Variants in NRG1 observed in about 807,000 individuals in gnomAD.
NRG1 encodes pro-neuregulin-1, membrane-bound isoform.
In NRG1, 18 loss-of-function variants were observed where a neutral mutation model predicts 63.8. The ratio of observed to expected loss-of-function variants is 0.28; its 90% CI spans 0.19 to 0.42. The LOEUF is 0.42. NRG1 is among the 10% of genes least tolerant of loss of function. The pLI is 1.00. For missense variants in NRG1, 762 were observed against 814.7 expected, an observed-to-expected ratio of 0.94 and a Z score of 0.79; for synonymous variants, 302 against 301.3, an observed-to-expected ratio of 1.00 and a Z score of -0.02.
In NRG1 at chr8:31,728,191, T is replaced by C. The variant is rs138149259; in HGVS notation, c.37+88760T>C. 3.9e-3 allele frequency among the ~76,000 whole-genome samples: 587 copies of C among 152,194 alleles called. 1 individual carries two copies. The highest frequency in any genetic ancestry group is 0.019 in the South Asian group (92 of 4,824). The stretch of plus-strand genomic sequence containing the variant: ...CTATAGAAAATATTTGGGCTGGGCA[T>C]GGTGGCTCATGCCTGTAATCCCAGC... On this transcript the variant is annotated intron_variant, in intron 1 of 10. Transcript: ENST00000519301.
chr8:32,496,622 G>T (rs1827229658), intron 1 of NRG1, among the ~76,000 whole-genome samples: 1 of 151,960 alleles, frequency 6.6e-6, no homozygotes, highest in Non-Finnish European at 1.5e-5. Flanking sequence ...GAAAGGATAG[G>T]TGTGTTTGGG....
intron 1 of NRG1, among the ~76,000 whole-genome samples, chr8:32,066,990 G>T (rs970277035): frequency 6.6e-6 from 1 of 152,104 alleles, no homozygotes; most frequent in Non-Finnish European, 1.5e-5. Context: ...CTCTCTGTTT[G>T]TCTGTTATGG....
At chr8:32,042,961 AGTGTGTGTGT>A (rs111850977) in intron 1 of NRG1, among the ~76,000 whole-genome samples, 2 of 139,902 alleles carry the variant, frequency 1.4e-5, no homozygotes, top group African/African-American at 2.6e-5. Flanking sequence ...GAAAGAGTGC[AGTGTGTGTGT>A]GTGTGTGTGT....
chr8:32,695,882 T>G (rs1813177116), intron 5 of NRG1, among the ~76,000 whole-genome samples: 1 of 152,200 alleles, frequency 6.6e-6, no homozygotes, highest in South Asian at 2.1e-4. Flanking sequence ...TCAAGCCAAT[T>G]CTAAACAGTC....
chr8:31,995,585 C>T (rs1811836202), intron 1 of NRG1, among the ~76,000 whole-genome samples: 1 of 151,888 alleles, frequency 6.6e-6, no homozygotes, highest in African/African-American at 2.4e-5. Context: ...GAGACTGTCT[C>T]TGAAAGTGAG....
intron 1 of NRG1, among the ~76,000 whole-genome samples, chr8:32,348,669 G>A (rs10105462): frequency 0.52 from 78,656 of 151,940 alleles, 21,269 homozygotes; most frequent in Non-Finnish European, 0.61. Context: ...CTGTTATAAC[G>A]TAGTATAGGT....
In NRG1 at chr8:32,258,044, A is replaced by T. The variant is rs148196988; in HGVS notation, c.38-337784A>T. Among the ~76,000 whole-genome samples the T allele has an allele frequency of 2.7e-4, 41 of 152,320 alleles. No homozygotes were observed. The East Asian group carries it at 6.8e-3, about 25-fold the overall frequency. On this transcript the variant is annotated intron_variant, in intron 1 of 10. Transcript: ENST00000519301. ...CCCAGTTTATGGTTTCCAATATAGG[A>T]CACATATCAACAGAATAAGAAACTC...
At chr8:32,132,504 A>G (rs763914708) in intron 1 of NRG1, among the ~76,000 whole-genome samples, 7 of 152,100 alleles carry the variant, frequency 4.6e-5, no homozygotes, top group South Asian at 2.1e-4. Context: ...ACCCAGTGAC[A>G]GATCTACTTG....
chr8:32,429,387 T>A (rs1817843536), intron 1 of NRG1, among the ~76,000 whole-genome samples: 1 of 152,202 alleles, frequency 6.6e-6, no homozygotes, highest in South Asian at 2.1e-4. Context: ...AGTCTCCTTT[T>A]ACCACTTTGG....
chr8:32,540,607 C>T (rs900664420), intron 1 of NRG1, among the ~76,000 whole-genome samples: 1 of 152,150 alleles, frequency 6.6e-6, no homozygotes, highest in African/African-American at 2.4e-5. Context: ...TATGGGATCA[C>T]AGAGACTTCA....
At chr8:32,645,704 TC>T (rs1335738755) in intron 5 of NRG1, among the ~76,000 whole-genome samples, 1 of 152,136 alleles carries the variant, frequency 6.6e-6, no homozygotes, top group African/African-American at 2.4e-5. Flanking sequence ...TTTTACAGAC[TC>T]CTATTGACAT....
At chr8:32,184,119 G>A (rs750662517) in intron 1 of NRG1, among the ~76,000 whole-genome samples, 57 of 151,618 alleles carry the variant, frequency 3.8e-4, no homozygotes, top group Non-Finnish European at 6.2e-4. Context: ...TATAGATCAC[G>A]TAAATATATA....
intron 1 of NRG1, among the ~76,000 whole-genome samples, chr8:31,890,267 T>A (rs561457867): frequency 6.6e-5 from 10 of 152,328 alleles, no homozygotes; most frequent in Middle Eastern, 3.4e-3. Context: ...TTTCAAGATA[T>A]CTACCTTGGT....
chr8:32,723,732 A>AGG (rs1821319604), intron 5 of NRG1, among the ~76,000 whole-genome samples: 1 of 117,144 alleles, frequency 8.5e-6, no homozygotes, highest in Non-Finnish European at 1.7e-5. Flanking sequence ...TTGTGGAAGG[A>AGG]GGTGAGGAAG....
intron 5 of NRG1, among the ~76,000 whole-genome samples, chr8:32,626,718 T>C (rs914299079): frequency 6.6e-6 from 1 of 151,358 alleles, no homozygotes; most frequent in South Asian, 2.1e-4. Context: ...TTTGTGGTTA[T>C]GTAATTTAAA....
chr8:32,684,652 C>T (rs1290450607), intron 5 of NRG1, among the ~76,000 whole-genome samples: 1 of 151,970 alleles, frequency 6.6e-6, no homozygotes, highest in Non-Finnish European at 1.5e-5. Context: ...TTGACAGTTT[C>T]CTCAAATATT....
rs1038169903 is a variant in NRG1 at position 32,727,877 on chromosome 8, T to A, written c.503-72T>A. On this transcript the variant is annotated intron_variant, in intron 5 of 11. Coordinates refer to ENST00000356819, the Ensembl canonical transcript of NRG1. ...ATATGAACTCTTCCTTTTAGGATAATTTAAGATTAAAGGCTGCTTAGAAGG... is the reference window on the plus strand; with the variant it reads ...ATATGAACTCTTCCTTTTAGGATAAATTAAGATTAAAGGCTGCTTAGAAGG... 15 of 1,471,522 alleles carry A rather than the reference T, an allele frequency of 1.0e-5. No homozygotes were observed. The African/African-American group carries it at 2.0e-4, about 19-fold the overall frequency. The allele number at this position is 1,471,522 out of a possible 1,614,324, so 91.2% of individuals were successfully genotyped here. A position where few individuals can be genotyped will look rare whatever the true frequency, so the allele number is the denominator to read the frequency against.
At chr8:31,768,691 C>G (rs1586268784) in intron 1 of NRG1, among the ~76,000 whole-genome samples, 1 of 152,204 alleles carries the variant, frequency 6.6e-6, no homozygotes, top group African/African-American at 2.4e-5. Flanking sequence ...CTTCAAGATA[C>G]TGAATTTTTG....
intron 1 of NRG1, among the ~76,000 whole-genome samples, chr8:32,268,493 G>A (rs952456293): frequency 6.6e-6 from 1 of 152,100 alleles, no homozygotes; most frequent in Non-Finnish European, 1.5e-5. Context: ...ATTTATTCAG[G>A]ATCTGGGTAT....
Sources: gnomAD v4.1 joint callset for allele counts (sites outside exome capture counted in the v4.1 genomes callset) on GRCh38, gnomAD v4.1.1 for gene constraint, MANE v1.5 for transcripts, NCBI Gene and HGNC (gene_info 2026-07-23, HGNC 2026-07-21) for gene names.